The following NTM variants were observed in gnomAD, a reference collection of about 807,000 sequenced individuals.
NTM encodes IgLON family member 2.
In NTM, 13 loss-of-function variants were observed where a neutral mutation model predicts 42.1. The observed-to-expected ratio is 0.31, with a 90% CI of 0.20 to 0.49. NTM has a LOEUF of 0.49. Among genes scored for constraint, NTM ranks in the 20% least tolerant of loss-of-function variants. The probability of loss-of-function intolerance (pLI) is 0.99; values close to 1 mark genes in which losing one functional copy is unlikely to be tolerated. For synonymous variants in NTM, 187 were observed against 179.2 expected, an observed-to-expected ratio of 1.04 and a Z score of -0.35; for missense variants, 373 against 452.8, an observed-to-expected ratio of 0.82 and a Z score of 1.60.
intron 4 of NTM, among the ~76,000 whole-genome samples, chr11:132,246,731 A>G (rs2091224952): frequency 6.6e-6 from 1 of 152,216 alleles, no homozygotes; most frequent in Admixed American, 6.5e-5. Flanking sequence ...AAACACATGT[A>G]GTTATAGCTC....
chr11:131,798,716 G>A (rs902360319), intron 1 of NTM, among the ~76,000 whole-genome samples: 1 of 152,176 alleles, frequency 6.6e-6, no homozygotes, highest in Admixed American at 6.5e-5. Context: ...CTATTATATA[G>A]ACAGAACATC....
intron 1 of NTM, among the ~76,000 whole-genome samples, chr11:131,582,911 C>A (rs1325224719): frequency 6.6e-6 from 1 of 152,216 alleles, no homozygotes; most frequent in Non-Finnish European, 1.5e-5. Flanking sequence ...CCCTCTCTAT[C>A]CAGCCTGTGG....
At chr11:131,468,196 C>A (rs1173749905) in intron 1 of NTM, among the ~76,000 whole-genome samples, 3 of 152,216 alleles carry the variant, frequency 2.0e-5, no homozygotes, top group African/African-American at 7.2e-5. Flanking sequence ...TCTGCTCCAG[C>A]CCATCTGATT....
intron 1 of NTM, among the ~76,000 whole-genome samples, chr11:131,815,976 TGAAAC>T (rs2092936796): frequency 6.6e-6 from 1 of 152,116 alleles, no homozygotes; most frequent in Admixed American, 6.6e-5. Flanking sequence ...GAGATGGCGG[TGAAAC>T]TGACCATGGT....
At chr11:131,984,068 G>A (rs1201859465) in intron 2 of NTM, among the ~76,000 whole-genome samples, 1 of 152,126 alleles carries the variant, frequency 6.6e-6, no homozygotes. Context: ...CACAGATTTT[G>A]GTGTACAGGT....
At chr11:132,222,285 C>T (rs367575313) in intron 4 of NTM, among the ~76,000 whole-genome samples, 47 of 152,322 alleles carry the variant, frequency 3.1e-4, no homozygotes, top group Admixed American at 2.1e-3. Context: ...GCGCACAGGA[C>T]GGACACAGCC....
At chr11:131,546,572 C>A (rs2053973915) in intron 1 of NTM, 1 of 152,232 alleles carries the variant, frequency 6.6e-6, no homozygotes, top group Non-Finnish European at 1.5e-5. Flanking sequence ...CACTGGTGCA[C>A]CAAGCTGTCC....
intron 1 of NTM, among the ~76,000 whole-genome samples, chr11:131,424,625 A>ATTTTT (rs1947911121): frequency 3.5e-5 from 1 of 28,264 alleles, no homozygotes; most frequent in Non-Finnish European, 6.4e-5. Context: ...TTTTGGCGCA[A>ATTTTT]TCTTGGCTCA....
chr11:131,411,469 G>T (rs933334739), intron 1 of NTM, among the ~76,000 whole-genome samples: 1 of 151,912 alleles, frequency 6.6e-6, no homozygotes, highest in Non-Finnish European at 1.5e-5. Context: ...TCCGGATTGA[G>T]GTGATTTTAT....
chr11:131,977,639 C>T (rs908532149), intron 2 of NTM, among the ~76,000 whole-genome samples: 10 of 152,114 alleles, frequency 6.6e-5, no homozygotes, highest in African/African-American at 1.9e-4. Context: ...TAAAGGCTTA[C>T]GTAAATATAG....
At chr11:132,137,125 C>CA (rs1056143991) in intron 2 of NTM, among the ~76,000 whole-genome samples, 6 of 151,736 alleles carry the variant, frequency 4.0e-5, no homozygotes, top group East Asian at 3.9e-4. Flanking sequence ...AGTGTAATTG[C>CA]AAAAAAAAGT....
At chr11:132,154,223 A>G (rs1272289966) in intron 3 of NTM, among the ~76,000 whole-genome samples, 1 of 152,176 alleles carries the variant, frequency 6.6e-6, no homozygotes, top group Non-Finnish European at 1.5e-5. Flanking sequence ...CTAGAATGCT[A>G]CTTTCTTTCA....
intron 2 of NTM, among the ~76,000 whole-genome samples, chr11:132,137,232 A>G (rs1290461179): frequency 1.3e-5 from 2 of 152,208 alleles, no homozygotes; most frequent in Non-Finnish European, 2.9e-5. Context: ...GGGGTGACAC[A>G]CACTGGCCAG....
intron 1 of NTM, among the ~76,000 whole-genome samples, chr11:131,717,266 T>TA (rs1197523711): frequency 6.6e-6 from 1 of 152,200 alleles, no homozygotes; most frequent in Non-Finnish European, 1.5e-5. Flanking sequence ...CAATTTCTAC[T>TA]AAAAAATTTC....
At chr11:132,319,385 C>A (rs2095508020) in intron 7 of NTM, among the ~76,000 whole-genome samples, 1 of 152,192 alleles carries the variant, frequency 6.6e-6, no homozygotes, top group South Asian at 2.1e-4. Flanking sequence ...AAAGCAGTGA[C>A]CGTCGGCACC....
chr11:132,056,210 A>G (rs1264715837), intron 2 of NTM, among the ~76,000 whole-genome samples: 1 of 152,222 alleles, frequency 6.6e-6, no homozygotes, highest in Non-Finnish European at 1.5e-5. Context: ...GTATACTTGT[A>G]TTCCAAACTT....
chr11:131,607,684 A>G (rs1227175957), intron 1 of NTM, among the ~76,000 whole-genome samples: 1 of 152,174 alleles, frequency 6.6e-6, no homozygotes, highest in African/African-American at 2.4e-5. Flanking sequence ...GCTTTTGTCT[A>G]TAAAACAAGG....
In NTM at chr11:132,330,175, C is replaced by A. The variant is rs2136431428; in HGVS notation, c.957C>A (p.Thr319=). 6.4e-7 allele frequency: 1 copy of A among 1,551,700 alleles called. No individual in the cohort carries two copies. Among genetic ancestry groups the A allele is most frequent in the Non-Finnish European group, 8.7e-7 (1 of 1,146,958 alleles). ...MLFEVKTTAL[T]PWKGPGAVSE... is the part of the protein sequence containing the mutation. ...TAGAAGTGAAAACTACAGCCCTGAC[C>A]CCTTGGAAAGGTTTGTATATTTTTC... is the stretch of plus-strand genomic sequence containing the variant. Residue 319 remains threonine, a synonymous_variant, in exon 8 of 9, where the codon ACC becomes ACA. Coordinates refer to ENST00000683400, the MANE Select transcript of NTM (RefSeq NM_001352005.2).
intron 3 of NTM, among the ~76,000 whole-genome samples, chr11:132,164,171 T>G (rs1446610834): frequency 6.6e-6 from 1 of 152,180 alleles, no homozygotes; most frequent in African/African-American, 2.4e-5. Context: ...AGACACCAAA[T>G]GGGTTGGAAA....
Sources: allele counts gnomAD v4.1 joint callset (sites outside exome capture counted in the v4.1 genomes callset), GRCh38; gene constraint gnomAD v4.1.1; transcripts MANE v1.5; gene names NCBI Gene and HGNC (gene_info 2026-07-23, HGNC 2026-07-21).